The following KIAA0586 variants were observed in gnomAD, a reference collection of about 807,000 sequenced individuals.
KIAA0586 encodes protein TALPID3.
In KIAA0586, 144 loss-of-function variants were observed where a neutral mutation model predicts 169.8. The observed-to-expected ratio is 0.85, with a 90% CI of 0.74 to 0.97. The LOEUF is 0.97. Among genes scored for constraint, KIAA0586 ranks in the 50% least tolerant of loss-of-function variants. The probability of loss-of-function intolerance (pLI) is 0.00; values close to 1 mark genes in which losing one functional copy is unlikely to be tolerated. For missense variants in KIAA0586, 1,854 were observed against 1,823.0 expected (o/e 1.02, Z -0.31); for synonymous variants, 625 against 612.4 (o/e 1.02, Z -0.30).
chr14:58,472,225 A>G lies in KIAA0586; in HGVS notation c.2580A>G (p.Glu860=). Residue 860 remains glutamate (E), a synonymous_variant, in exon 18 of 31, where the codon GAA becomes GAG. Coordinates refer to ENST00000652326, the MANE Select transcript of KIAA0586 (RefSeq NM_001329943.3). ...CTCCAGAAATTATGAAGGTAGATGA[A>G]GAAGAGGTGAAGTTTCCAGGAACTA... ...IKTPEIMKVD[E]EEVKFPGTNF... is the part of the protein sequence containing the mutation. 1 of 1,587,278 alleles carries G rather than the reference A, an allele frequency of 6.3e-7. No individual in the cohort carries two copies. Among genetic ancestry groups the G allele is most frequent in the Non-Finnish European group, 8.6e-7 (1 of 1,167,138 alleles).
rs199763387 is a variant in KIAA0586, at chr14:58,542,640, C to CT, written c.4495+2511dup. Among the ~76,000 whole-genome samples the CT allele has an allele frequency of 3.5e-3, 528 of 152,202 alleles. 4 individuals carry two copies. The highest frequency in any genetic ancestry group is 0.012 in the African/African-American group (494 of 41,518). ...TGTACTCTCTCTTTCCCCACTCCCT[C>CT]TTTTTTTCTTAATTGTATTTCAGTG... is the stretch of plus-strand genomic sequence containing the variant. On this transcript the variant is annotated intron_variant, in intron 30 of 30. Coordinates refer to ENST00000652326, the MANE Select transcript of KIAA0586 (RefSeq NM_001329943.3).
chr14:58,540,536 C>T lies in KIAA0586; in HGVS notation c.4495+400C>T, dbSNP rs76932849. Among the ~76,000 whole-genome samples, 895 of 152,294 alleles carry T rather than the reference C, an allele frequency of 5.9e-3. 9 individuals are homozygous for T. The highest frequency in any genetic ancestry group is 1.0e-2 in the Non-Finnish European group (680 of 68,020). On this transcript the variant is annotated intron_variant, in intron 30 of 30. Transcript: ENST00000652326. ...GGCATAAAAAGAAACAGATCTTTCACATTAACGATTGCTTTTTAGAGGAAA... is the reference window on the plus strand; with the variant it reads ...GGCATAAAAAGAAACAGATCTTTCATATTAACGATTGCTTTTTAGAGGAAA...
chr14:58,518,127 TACTA>T (rs932384190), intron 29 of KIAA0586, among the ~76,000 whole-genome samples: 11 of 152,310 alleles, frequency 7.2e-5, no homozygotes, highest in South Asian at 2.1e-4. Flanking sequence ...ATGTACATAT[TACTA>T]AGTTTATGAC....
chr14:58,499,057 T>G lies in KIAA0586; in HGVS notation c.4168+97T>G, dbSNP rs536279442. ...ATTTTCAGATAGGGGCTTGCAAAATTTCTTTATTAAAAGGGATTTTAATAA... is the reference window on the plus strand; with the variant it reads ...ATTTTCAGATAGGGGCTTGCAAAATGTCTTTATTAAAAGGGATTTTAATAA... On this transcript the variant is annotated intron_variant, in intron 27 of 30. Coordinates refer to ENST00000652326, the MANE Select transcript of KIAA0586 (RefSeq NM_001329943.3). 1.8e-4 allele frequency: 197 copies of G among 1,100,948 alleles called. No individual in the cohort carries two copies. In the African/African-American group the frequency reaches 3.0e-3, roughly 17 times the overall value. 68.2% of individuals were successfully genotyped at this position (1,100,948 alleles called of 1,614,324 possible).
chr14:58,483,500 G>A lies in KIAA0586; in HGVS notation c.3144+788G>A, dbSNP rs368828893. ...ACCCCCCCAGATTTAACATTGGCGTGTTAATAATATAGAATATAGAGACCA... is the reference window on the plus strand; with the variant it reads ...ACCCCCCCAGATTTAACATTGGCGTATTAATAATATAGAATATAGAGACCA... On this transcript the variant is annotated intron_variant, in intron 21 of 30. Coordinates refer to ENST00000652326, the MANE Select transcript of KIAA0586 (RefSeq NM_001329943.3). 2.6e-5 allele frequency among the ~76,000 whole-genome samples: 4 copies of A among 152,062 alleles called. 1 individual carries two copies.
intron 26 of KIAA0586, 107 bp from the exon 27 acceptor site, chr14:58,498,674 AAT>A (rs1309627190): frequency 6.5e-6 from 6 of 919,160 alleles, no homozygotes; most frequent in Non-Finnish European, 9.4e-6. Flanking sequence ...CAGTTTGTAA[AAT>A]ACCTTCCAAG....
intron 20 of KIAA0586, among the ~76,000 whole-genome samples, chr14:58,478,353 C>T (rs1008468068): frequency 2.7e-4 from 41 of 152,176 alleles, no homozygotes; most frequent in African/African-American, 9.7e-4. Flanking sequence ...TATGGTGACA[C>T]ACACTTGTAA....
intron 20 of KIAA0586, among the ~76,000 whole-genome samples, chr14:58,479,636 A>G (rs1453894857): frequency 3.5e-5 from 5 of 144,314 alleles, no homozygotes; most frequent in Non-Finnish European, 6.4e-5. Flanking sequence ...GTTTTCTTCT[A>G]GAAGATGTAT....
intron 30 of KIAA0586, among the ~76,000 whole-genome samples, chr14:58,540,380 G>A (rs1046148806): frequency 6.6e-6 from 1 of 152,174 alleles, no homozygotes; most frequent in African/African-American, 2.4e-5. Context: ...GAATTAAAAG[G>A]CTGCAGGTGT....
At chr14:58,458,104 T>C in intron 11 of KIAA0586, 125 bp downstream of exon 11, 1 of 651,684 alleles carries the variant, frequency 1.5e-6, no homozygotes, top group South Asian at 2.3e-5. Context: ...TTATTGACTT[T>C]GAAGATGTGG....
intron 16 of KIAA0586, among the ~76,000 whole-genome samples, chr14:58,469,308 A>G (rs904102255): frequency 6.6e-5 from 10 of 152,352 alleles, no homozygotes; most frequent in Admixed American, 4.6e-4. Flanking sequence ...CAAATGCACA[A>G]TAAAGCCCTG....
At chr14:58,536,387 G>A (rs565155989) in intron 29 of KIAA0586, among the ~76,000 whole-genome samples, 1 of 152,246 alleles carries the variant, frequency 6.6e-6, no homozygotes, top group Admixed American at 6.5e-5. Context: ...TTATAAGTGA[G>A]AATATGTGGT....
At chr14:58,517,382 A>G (rs780155069) in intron 29 of KIAA0586, among the ~76,000 whole-genome samples, 2 of 152,226 alleles carry the variant, frequency 1.3e-5, no homozygotes, top group Non-Finnish European at 2.9e-5. Context: ...AAATTGTTCA[A>G]CATCATTAGT....
intron 24 of KIAA0586, among the ~76,000 whole-genome samples, chr14:58,489,541 T>C (rs1482306535): frequency 6.6e-6 from 1 of 152,124 alleles, no homozygotes; most frequent in Non-Finnish European, 1.5e-5. Context: ...TTTTTTTTTT[T>C]ACCAAATAAT....
At chr14:58,507,312 CATAT>C (rs924941138) in intron 27 of KIAA0586, among the ~76,000 whole-genome samples, 6 of 141,684 alleles carry the variant, frequency 4.2e-5, no homozygotes, top group Admixed American at 3.6e-4. Flanking sequence ...ATTTATATAT[CATAT>C]ATATTTATAT....
chr14:58,470,447 TA>T (rs2041119457), intron 16 of KIAA0586, among the ~76,000 whole-genome samples, 165 bp from the exon 17 acceptor site: 1 of 152,122 alleles, frequency 6.6e-6, no homozygotes, highest in African/African-American at 2.4e-5. Flanking sequence ...CTTTCATAAT[TA>T]AAAAATTTTG....
rs974570717 is a variant in KIAA0586, at chr14:58,550,445, A to G, written c.*2513A>G. 6.6e-6 allele frequency: 1 copy of G among 152,174 alleles called. No homozygotes were observed. The highest frequency in any genetic ancestry group is 1.5e-5 in the Non-Finnish European group (1 of 68,028). The allele number at this position is 152,174 out of a possible 1,614,324, so 9.4% of individuals were successfully genotyped here. On this transcript the variant is annotated 3_prime_UTR_variant, in exon 31 of 31. Coordinates refer to ENST00000652326, the MANE Select transcript of KIAA0586 (RefSeq NM_001329943.3). ...AACTTTTGATTTTATAAGCTTTAAA[A>G]TTTTTATTTTATATTAAATTTTACA...
chr14:58,522,153 C>T (rs547864685), intron 29 of KIAA0586, among the ~76,000 whole-genome samples: 12 of 152,240 alleles, frequency 7.9e-5, no homozygotes, highest in Admixed American at 3.9e-4. Context: ...TAGTGCCCTG[C>T]GCCTAGTTCC....
chr14:58,446,699 G>C (rs889530412), intron 6 of KIAA0586, among the ~76,000 whole-genome samples: 1 of 151,774 alleles, frequency 6.6e-6, no homozygotes, highest in African/African-American at 2.4e-5. Flanking sequence ...GACTTAACAG[G>C]GTTTATCTTG....
Sources: gnomAD v4.1 joint callset for allele counts (sites outside exome capture counted in the v4.1 genomes callset) on GRCh38, gnomAD v4.1.1 for gene constraint, MANE v1.5 for transcripts, NCBI Gene and HGNC (gene_info 2026-07-23, HGNC 2026-07-21) for gene names.